Variants in CLXN observed in about 807,000 individuals in gnomAD.
CLXN encodes the protein EF-hand calcium binding domain 1.
chr8:48,720,892 T>C, the CLXN span, among the ~76,000 whole-genome samples: 1 of 152,190 alleles, frequency 6.6e-6, no homozygotes, highest in African/African-American at 2.4e-5. Context: ...GCTGTCTCTC[T>C]TTATTTCTCA....
chr8:48,714,875 T>C, the CLXN span: 3 of 152,208 alleles, frequency 2.0e-5, no homozygotes, highest in African/African-American at 7.2e-5. Flanking sequence ...GAGTGTTCAG[T>C]ATTAGAATTA....
At chr8:48,728,471 C>G in the CLXN span, among the ~76,000 whole-genome samples, 1 of 152,148 alleles carries the variant, frequency 6.6e-6, no homozygotes, top group Non-Finnish European at 1.5e-5. Flanking sequence ...TTCCACAACA[C>G]TCTACACATA....
chr8:48,728,893 C>G, the CLXN span: 1 of 525,814 alleles, frequency 1.9e-6, no homozygotes, highest in Non-Finnish European at 3.3e-6. Context: ...AGAAATGAAT[C>G]AGCAGGTTAT....
the CLXN span, among the ~76,000 whole-genome samples, chr8:48,720,063 C>G: frequency 6.6e-6 from 1 of 152,226 alleles, no homozygotes; most frequent in Admixed American, 6.5e-5. Context: ...TTTCTTATGC[C>G]TGTCTTTACT....
At chr8:48,714,889 A>G in the CLXN span, 1 of 152,226 alleles carries the variant, frequency 6.6e-6, no homozygotes, top group East Asian at 1.9e-4. Flanking sequence ...AGAATTATTT[A>G]TAATAGCAAA....
chr8:48,724,918 G>T, the CLXN span: 1 of 710,052 alleles, frequency 1.4e-6, no homozygotes, highest in Non-Finnish European at 2.3e-6. Context: ...TGGGCATCGA[G>T]AACTTCTGGT....
At chr8:48,735,020 C>T in the CLXN span, 2 of 1,545,212 alleles carry the variant, frequency 1.3e-6, no homozygotes, top group South Asian at 1.1e-5. Flanking sequence ...GGCACAACAG[C>T]GGACCTTAGC....
the CLXN span, among the ~76,000 whole-genome samples, chr8:48,721,279 A>T: frequency 6.6e-6 from 1 of 152,326 alleles, no homozygotes; most frequent in Non-Finnish European, 1.5e-5. Context: ...ACTGAAAATT[A>T]TAAAGGCAAT....
the CLXN span, among the ~76,000 whole-genome samples, chr8:48,719,004 C>T: frequency 6.6e-6 from 1 of 151,588 alleles, no homozygotes; most frequent in African/African-American, 2.4e-5. Context: ...AAAACTAAGA[C>T]TTGGTTTTTT....
the CLXN span, chr8:48,730,694 A>C: frequency 3.7e-6 from 4 of 1,068,264 alleles, no homozygotes; most frequent in Non-Finnish European, 5.6e-6. Flanking sequence ...AATAACTCTC[A>C]GTAAAGTATC....
chr8:48,722,427 G>A, the CLXN span, among the ~76,000 whole-genome samples: 2 of 152,098 alleles, frequency 1.3e-5, no homozygotes, highest in Non-Finnish European at 2.9e-5. Context: ...CCACTTCTAG[G>A]TATACAACCA....
the CLXN span, among the ~76,000 whole-genome samples, chr8:48,726,300 TATCC>T: frequency 3.1e-5 from 4 of 127,866 alleles, no homozygotes; most frequent in African/African-American, 1.2e-4. Context: ...TCCACCCACC[TATCC>T]ATCCATGTAC....
chr8:48,728,951 A>T, the CLXN span: 1 of 803,712 alleles, frequency 1.2e-6, no homozygotes, highest in Non-Finnish European at 1.9e-6. Context: ...GGTGGACAGG[A>T]TTTGTCTGAT....
At chr8:48,729,977 G>T in the CLXN span, 13 of 1,016,906 alleles carry the variant, frequency 1.3e-5, no homozygotes, top group Admixed American at 2.6e-5. Flanking sequence ...GTACCCACAG[G>T]TCTTAGTGCA....
chr8:48,730,567 G>A, the CLXN span: 10 of 1,610,312 alleles, frequency 6.2e-6, no homozygotes, highest in South Asian at 1.1e-5. Flanking sequence ...AAAGATCCTC[G>A]AAGAAACAGT....
At chr8:48,730,698 A>C in the CLXN span, 1 of 999,592 alleles carries the variant, frequency 1.0e-6, no homozygotes. Context: ...ACTCTCAGTA[A>C]AGTATCTACA....
chr8:48,714,312 G>T, the CLXN span, among the ~76,000 whole-genome samples: 87 of 152,308 alleles, frequency 5.7e-4, 1 homozygote, highest in East Asian at 0.016. Context: ...GTGAAATTAA[G>T]AGAATCCATC....
the CLXN span, chr8:48,730,630 C>G: frequency 6.2e-7 from 1 of 1,608,950 alleles, no homozygotes; most frequent in South Asian, 1.1e-5. Context: ...TTATCTTTAT[C>G]AAAACCTCGG....
chr8:48,721,001 T>C, the CLXN span, among the ~76,000 whole-genome samples: 10 of 152,028 alleles, frequency 6.6e-5, no homozygotes, highest in Non-Finnish European at 1.3e-4. Context: ...TGGAGTAAAA[T>C]TACCTCCATT....
Sources: allele counts gnomAD v4.1 joint callset (sites outside exome capture counted in the v4.1 genomes callset), GRCh38; gene constraint gnomAD v4.1.1; transcripts MANE v1.5; gene names NCBI Gene and HGNC (gene_info 2026-07-23, HGNC 2026-07-21).